Variants in SLC24A1 observed in about 807,000 individuals in gnomAD.
SLC24A1 encodes solute carrier family 24 member 1.
In SLC24A1, 52 loss-of-function variants were observed where a neutral mutation model predicts 88.1. The observed-to-expected ratio is 0.59, with a 90% CI of 0.47 to 0.74. SLC24A1 has a LOEUF of 0.74. Ranked by LOEUF, SLC24A1 falls within the 30% of genes least tolerant of loss-of-function variation. The pLI, the probability that SLC24A1 is intolerant of heterozygous loss-of-function variation, is 0.00. For synonymous variants in SLC24A1, 455 were observed against 498.0 expected, an observed-to-expected ratio of 0.91 and a Z score of 1.15; for missense variants, 1,173 against 1,363.3, an observed-to-expected ratio of 0.86 and a Z score of 2.20.
In SLC24A1 at chr15:65,656,156, G is replaced by A. The variant is rs946965297; in HGVS notation, c.*2077G>A. ...CCTCACCCACAGCCTGGGATCTGAC[G>A]TTCTTCCTCAGACTGGAGTAAGGAG... On this transcript the variant is annotated 3_prime_UTR_variant, in exon 10 of 10. Coordinates refer to ENST00000261892, the MANE Select transcript of SLC24A1 (RefSeq NM_004727.3). 32 of 985,280 alleles carry A rather than the reference G, an allele frequency of 3.2e-5. No individual in the cohort carries two copies. Among genetic ancestry groups the A allele is most frequent in the Admixed American group, 6.1e-5 (1 of 16,270 alleles). 61.0% of individuals were successfully genotyped at this position (985,280 alleles called of 1,614,324 possible).
Position 65,642,927 on chromosome 15 carries a change from T to C in SLC24A1, c.2054-1500T>C, listed in dbSNP as rs1412193538. On this transcript the variant is annotated intron_variant, in intron 4 of 9. Transcript: ENST00000261892. ...GTTTCCTCTCAGTCCGTCTGTATTA[T>C]GGACTAGATGATCTCCAGGGTTCCT... The C allele has an allele frequency of 2.8e-6, 3 of 1,057,438 alleles. No individual in the cohort carries two copies. The South Asian group carries it at 3.9e-5, about 14-fold the overall frequency. The allele number at this position is 1,057,438 out of a possible 1,614,324, so 65.5% of individuals were successfully genotyped here.
chr15:65,624,286 G>T lies in SLC24A1; in HGVS notation c.206G>T (p.Ser69Ile), dbSNP rs376099955. Reference protein sequence around the residue: ...PIKLASRDLSSEEMMMMSSSP... With the variant: ...PIKLASRDLSIEEMMMMSSSP... ...AAACTGGCCAGTCGGGACCTCTCCA[G>T]TGAAGAGATGATGATGATGAGCAGC... is the stretch of plus-strand genomic sequence containing the variant. The change falls in exon 2 of 10, where the codon AGT (serine) becomes ATT (isoleucine). Residue 69 changes from serine to isoleucine, a missense_variant. By Grantham distance (142) the Ser-to-Ile change is moderately radical. Transcript: ENST00000261892. 14 of 1,613,692 alleles carry T rather than the reference G, an allele frequency of 8.7e-6. No homozygotes were observed. In the African/African-American group the frequency reaches 1.9e-4, roughly 22 times the overall value.
chr15:65,655,082 C>T lies in SLC24A1; in HGVS notation c.*1003C>T. 1 of 1,015,410 alleles carries T rather than the reference C, an allele frequency of 9.8e-7. No homozygotes were observed. Among genetic ancestry groups the T allele is most frequent in the Non-Finnish European group, 1.2e-6 (1 of 847,840 alleles). 62.9% of individuals were successfully genotyped at this position (1,015,410 alleles called of 1,614,324 possible). ...ATTTAAAAGTATGTATTTATTAGAACATGCAAATTCATGTTGTCTCCATCA... is the reference window on the plus strand; with the variant it reads ...ATTTAAAAGTATGTATTTATTAGAATATGCAAATTCATGTTGTCTCCATCA... On this transcript the variant is annotated 3_prime_UTR_variant, in exon 10 of 10. Transcript: ENST00000261892.
At chr15:65,652,174 G>GT (rs1312134525) in intron 8 of SLC24A1, 2 of 323,708 alleles carry the variant, frequency 6.2e-6, no homozygotes, top group African/African-American at 4.3e-5. Context: ...ATACTGAACT[G>GT]TAATAATTGT....
In SLC24A1 at chr15:65,634,922, A is replaced by G. The variant is rs188082725; in HGVS notation, c.1891-3206A>G. Among the ~76,000 whole-genome samples the G allele has an allele frequency of 3.3e-5, 5 of 152,288 alleles. No individual in the cohort carries two copies. In the East Asian group the frequency reaches 9.6e-4, roughly 29 times the overall value. ...AGTTTTCTAATCTAGCAAAATAGCT[A>G]CAATAATATGAGTGTTGTCTATTTC... On this transcript the variant is annotated intron_variant, in intron 2 of 9. Coordinates refer to ENST00000261892, the MANE Select transcript of SLC24A1 (RefSeq NM_004727.3).
intron 2 of SLC24A1, among the ~76,000 whole-genome samples, chr15:65,615,534 T>A (rs1438028203): frequency 1.3e-5 from 2 of 151,764 alleles, no homozygotes; most frequent in Non-Finnish European, 2.9e-5. Context: ...AATACAAAAA[T>A]TAGCCGGCTG....
chr15:65,646,254 T>C (rs74024334), intron 6 of SLC24A1, among the ~76,000 whole-genome samples: 115 of 152,258 alleles, frequency 7.6e-4, no homozygotes, highest in African/African-American at 2.5e-3. Context: ...TATTTTTGTA[T>C]TTTTAGTAGA....
intron 4 of SLC24A1, among the ~76,000 whole-genome samples, chr15:65,642,067 G>A (rs958783063): frequency 2.0e-5 from 3 of 152,182 alleles, no homozygotes; most frequent in African/African-American, 4.8e-5. Flanking sequence ...GACTGCAGAT[G>A]TCCTCTGGGA....
intron 2 of SLC24A1, among the ~76,000 whole-genome samples, chr15:65,615,418 C>T (rs1178272705): frequency 6.6e-6 from 1 of 152,160 alleles, no homozygotes; most frequent in Non-Finnish European, 1.5e-5. Context: ...CACGGTGGCT[C>T]ACGCCTGTAA....
chr15:65,624,337 TGGG>T lies in SLC24A1; in HGVS notation c.261_263del (p.Gly88del), dbSNP rs1366563303. 1 of 1,613,680 alleles carries T rather than the reference TGGG, an allele frequency of 6.2e-7. No homozygotes were observed. The highest frequency in any genetic ancestry group is 8.5e-7 in the Non-Finnish European group (1 of 1,179,780). ...AGCCCTTCAAAACCTAGCTCCGAAA[TGGG>T]GGGTAAGATGCTGGTACCCCAAGCC... On this transcript the variant is annotated inframe_deletion, in exon 2 of 10. Coordinates refer to ENST00000261892, the MANE Select transcript of SLC24A1 (RefSeq NM_004727.3).
At chr15:65,638,431 T>A (rs2075011789) in intron 3 of SLC24A1, among the ~76,000 whole-genome samples, 1 of 152,176 alleles carries the variant, frequency 6.6e-6, no homozygotes. Context: ...TCTCTGCCAT[T>A]AGCTTGCTGT....
upstream of SLC24A1, chr15:65,619,121 A>G (rs1371458685): frequency 6.6e-6 from 1 of 152,272 alleles, no homozygotes; most frequent in East Asian, 1.9e-4. Context: ...CAATATAAAC[A>G]AAAGGTCTTA....
At chr15:65,658,111 C>T (rs941238606), downstream of SLC24A1, 1 of 152,184 alleles carries the variant, frequency 6.6e-6, no homozygotes. Flanking sequence ...AGCACATGCG[C>T]AGACTTTTGT....
At chr15:65,648,331 G>C (rs996642626) in intron 6 of SLC24A1, among the ~76,000 whole-genome samples, 12 of 152,116 alleles carry the variant, frequency 7.9e-5, no homozygotes, top group South Asian at 4.1e-4. Context: ...ATCCTTTGGG[G>C]GTTGCCAATA....
chr15:65,644,866 T>G (rs2075252937), intron 5 of SLC24A1, among the ~76,000 whole-genome samples: 1 of 152,226 alleles, frequency 6.6e-6, no homozygotes, highest in African/African-American at 2.4e-5. Context: ...ACTTTATTTC[T>G]TCTTCCTGTC....
At chr15:65,640,723 G>C (rs2075097568) in intron 4 of SLC24A1, among the ~76,000 whole-genome samples, 2 of 152,120 alleles carry the variant, frequency 1.3e-5, no homozygotes, top group Admixed American at 1.3e-4. Flanking sequence ...TTTAGGCTCT[G>C]AAGTCCTTTT....
chr15:65,650,798 G>A lies in SLC24A1; in HGVS notation c.2649G>A (p.Glu883=), dbSNP rs1566965746. Residue 883 remains glutamate (E), a synonymous_variant, in exon 7 of 10, where the codon GAG becomes GAA. Coordinates refer to ENST00000261892, the MANE Select transcript of SLC24A1 (RefSeq NM_004727.3). The surrounding 1 kb of genome is among the most constrained non-coding windows in gnomAD (Gnocchi z 4.1). Reference sequence around the variant, plus strand: ...AGGAAGAGCAGGAGGAAGAGGAGGAGGAGGAGGAGGAAGAGGAGGAGAAGG... The same window carrying A: ...AGGAAGAGCAGGAGGAAGAGGAGGAAGAGGAGGAGGAAGAGGAGGAGAAGG... ...EEEEEQEEEE[E]EEEEEEEKGN... 9.3e-6 allele frequency: 15 copies of A among 1,613,436 alleles called. No individual in the cohort carries two copies. The highest frequency in any genetic ancestry group is 2.2e-5 in the East Asian group (1 of 44,874).
intron 2 of SLC24A1, among the ~76,000 whole-genome samples, chr15:65,628,320 C>T (rs76280613): frequency 1.3e-5 from 2 of 152,268 alleles, no homozygotes; most frequent in East Asian, 3.9e-4. Context: ...TTAACCAGAT[C>T]ATAAGTCTGG....
chr15:65,613,521 C>T (rs1407074892), intron 2 of SLC24A1, among the ~76,000 whole-genome samples: 3 of 145,410 alleles, frequency 2.1e-5, no homozygotes, highest in South Asian at 2.1e-4. Flanking sequence ...GGGTCTTTGT[C>T]ACCCAGGCTG....
Sources: gnomAD v4.1 joint callset for allele counts (sites outside exome capture counted in the v4.1 genomes callset) on GRCh38, gnomAD v4.1.1 for gene constraint, Gnocchi (gnomAD v3.1) non-coding constraint, MANE v1.5 for transcripts, NCBI Gene and HGNC (gene_info 2026-07-23, HGNC 2026-07-21) for gene names.